Variants in GALNT11 observed in about 807,000 individuals in gnomAD.
GALNT11 encodes the protein UDP-GalNAc:polypeptide N-acetylgalactosaminyltransferase 11.
Under a neutral mutation model 72.7 loss-of-function variants are expected in GALNT11, and 47 were observed. The ratio of observed to expected loss-of-function variants is 0.65; its 90% confidence interval spans 0.51 to 0.82. GALNT11 has a LOEUF of 0.82. Ranked by LOEUF, GALNT11 falls within the 40% of genes least tolerant of loss-of-function variation. The pLI is 0.00. For synonymous variants in GALNT11, 270 were observed against 286.6 expected, an observed-to-expected ratio of 0.94 and a Z score of 0.58; for missense variants, 677 against 778.4, an observed-to-expected ratio of 0.87 and a Z score of 1.55.
chr7:152,120,339 G>A (rs769233062), intron 10 of GALNT11: 17 of 162,106 alleles, frequency 1.0e-4, no homozygotes, highest in Non-Finnish European at 2.3e-4. Context: ...TAGTGATGGC[G>A]CATGTTGGAG....
At chr7:152,058,820 C>T (rs773011079) in intron 1 of GALNT11, among the ~76,000 whole-genome samples, 2 of 152,182 alleles carry the variant, frequency 1.3e-5, no homozygotes, top group Non-Finnish European at 2.9e-5. Context: ...TTTTTGTTAT[C>T]GTTTCAACAG....
intron 1 of GALNT11, among the ~76,000 whole-genome samples, chr7:152,050,539 G>T (rs532537706): frequency 6.6e-6 from 1 of 152,300 alleles, no homozygotes; most frequent in African/African-American, 2.4e-5. Context: ...CTTTCCTCAA[G>T]TGGAAGGAAA....
rs918652794 is a variant in GALNT11, at chr7:152,113,501, G to C, written c.1233+103G>C. ...CTTTTCACTCTGGCATATTTCTCTTGGTTAACCTTCACCTTAGGGCCAACT... is the reference window on the plus strand; with the variant it reads ...CTTTTCACTCTGGCATATTTCTCTTCGTTAACCTTCACCTTAGGGCCAACT... On this transcript the variant is annotated intron_variant, in intron 8 of 11. Coordinates refer to ENST00000430044, the MANE Select transcript of GALNT11 (RefSeq NM_022087.4). 94 of 1,367,354 alleles carry C rather than the reference G, an allele frequency of 6.9e-5. No individual in the cohort carries two copies. In the Middle Eastern group the frequency reaches 8.9e-4, roughly 13 times the overall value. 84.7% of individuals were successfully genotyped at this position (1,367,354 alleles called of 1,614,324 possible). A position where few individuals can be genotyped will look rare whatever the true frequency, so the allele number is the denominator to read the frequency against.
intron 7 of GALNT11, among the ~76,000 whole-genome samples, chr7:152,111,779 A>C (rs959221212): frequency 1.3e-5 from 2 of 152,158 alleles, no homozygotes; most frequent in Non-Finnish European, 2.9e-5. Context: ...ATATAGTCAT[A>C]TAGTCAGGGT....
At chr7:152,114,616 A>C (rs1209332988) in intron 8 of GALNT11, among the ~76,000 whole-genome samples, 1 of 151,612 alleles carries the variant, frequency 6.6e-6, no homozygotes, top group African/African-American at 2.4e-5. Flanking sequence ...GCTGAAGTGC[A>C]ACGGCGCAAT....
In GALNT11 at chr7:152,113,352, C is replaced by G. The variant is rs777480020; in HGVS notation, c.1187C>G (p.Thr396Arg). 1.5e-5 allele frequency: 25 copies of G among 1,613,960 alleles called. No homozygotes were observed. The highest frequency in any genetic ancestry group is 2.0e-5 in the Non-Finnish European group (24 of 1,180,010). ...TCTCCCGAAGGCCAGGACACCATGACACACAACTCTTTGCGGCTGGCACAT... is the reference window on the plus strand; with the variant it reads ...TCTCCCGAAGGCCAGGACACCATGAGACACAACTCTTTGCGGCTGGCACAT... ...YGSPEGQDTMTHNSLRLAHVW... is the reference protein window; with the variant it reads ...YGSPEGQDTMRHNSLRLAHVW... The change falls in exon 8 of 12, where the codon ACA becomes AGA. Residue 396 changes from threonine to arginine, a missense_variant. Transcript: ENST00000430044.
chr7:152,102,270 A>G (rs1191615295), intron 3 of GALNT11, among the ~76,000 whole-genome samples: 1 of 152,138 alleles, frequency 6.6e-6, no homozygotes, highest in Non-Finnish European at 1.5e-5. Context: ...TCGGCTGGAC[A>G]TGGTGGCTCA....
chr7:152,095,393 A>G (rs528277497), intron 2 of GALNT11, among the ~76,000 whole-genome samples: 4 of 152,174 alleles, frequency 2.6e-5, no homozygotes, highest in Non-Finnish European at 5.9e-5. Context: ...AGTAAAATAC[A>G]AGAGATTTTT....
chr7:152,059,653 G>A (rs1456952178), intron 1 of GALNT11, among the ~76,000 whole-genome samples: 1 of 152,182 alleles, frequency 6.6e-6, no homozygotes, highest in Non-Finnish European at 1.5e-5. Context: ...GGGTGACTAG[G>A]TATGTTGTCA....
chr7:152,072,745 A>G (rs1243818298), intron 1 of GALNT11, among the ~76,000 whole-genome samples: 1 of 152,172 alleles, frequency 6.6e-6, no homozygotes, highest in Non-Finnish European at 1.5e-5. Context: ...ATCGGGTTTT[A>G]GTTTAGATTG....
At chr7:152,027,952 G>A (rs1269720883) in intron 1 of GALNT11, among the ~76,000 whole-genome samples, 4 of 151,900 alleles carry the variant, frequency 2.6e-5, no homozygotes, top group African/African-American at 4.8e-5. Context: ...GCAGACCTTC[G>A]CAGTGAGTGT....
intron 1 of GALNT11, among the ~76,000 whole-genome samples, chr7:152,084,135 G>GT (rs1405922493): frequency 2.0e-5 from 3 of 151,832 alleles, no homozygotes; most frequent in African/African-American, 4.8e-5. Context: ...TTTTGTTGTT[G>GT]TTTTTTATTT....
At chr7:152,113,078 G>A (rs2088420413) in intron 7 of GALNT11, among the ~76,000 whole-genome samples, 168 bp from the exon 8 acceptor site, 1 of 152,290 alleles carries the variant, frequency 6.6e-6, no homozygotes, top group South Asian at 2.1e-4. Context: ...TTCTAACAAT[G>A]TGTACCTTCT....
rs574323469 is a variant in GALNT11, at chr7:152,109,528, C to T, written c.963-1000C>T. ...GTAACTAATTTGCTGCCGAATTCTG[C>T]CTTGTCTTTTTTGTTGAATATACTG... On this transcript the variant is annotated intron_variant, in intron 6 of 11. Coordinates refer to ENST00000430044, the MANE Select transcript of GALNT11 (RefSeq NM_022087.4). Among the ~76,000 whole-genome samples, 9 of 152,176 alleles carry T rather than the reference C, an allele frequency of 5.9e-5. No individual in the cohort carries two copies. The South Asian group carries it at 1.9e-3, about 32-fold the overall frequency.
At chr7:152,095,183 T>TAAAA (rs2086293069) in intron 2 of GALNT11, among the ~76,000 whole-genome samples, 1 of 152,058 alleles carries the variant, frequency 6.6e-6, no homozygotes, top group African/African-American at 2.4e-5. Context: ...AGTTATAAAA[T>TAAAA]AGCCCTTTTT....
Position 152,117,319 on chromosome 7 carries a change from C to T in GALNT11, c.1396C>T (p.Gln466Ter). Residue 466 changes from glutamine to a stop codon, truncating the protein, a stop_gained, in exon 9 of 12, where the codon CAA becomes TAA. Coordinates refer to ENST00000430044, the MANE Select transcript of GALNT11 (RefSeq NM_022087.4). LOFTEE classifies it high-confidence loss of function. ...QISGSHAKPQ[Q>*]PIFVNRGPKR... ...ATCTGGGTCCCACGCCAAACCCCAA[C>T]AACCCATTTTTGTCAATAGAGGGCC... 6.2e-7 allele frequency: 1 copy of T among 1,614,176 alleles called. No individual in the cohort carries two copies. The highest frequency in any genetic ancestry group is 8.5e-7 in the Non-Finnish European group (1 of 1,180,016).
At chr7:152,047,167 A>C (rs1372870493) in intron 1 of GALNT11, among the ~76,000 whole-genome samples, 1 of 152,150 alleles carries the variant, frequency 6.6e-6, no homozygotes, top group African/African-American at 2.4e-5. Flanking sequence ...GCTTGAACTC[A>C]GAAGTTCAAG....
chr7:152,113,337 G>A lies in GALNT11; in HGVS notation c.1172G>A (p.Gly391Asp). ...RKRRPYGSPE[G>D]QDTMTHNSLR... Reference sequence around the variant, plus strand: ...AGGCGACCATATGGATCTCCCGAAGGCCAGGACACCATGACACACAACTCT... The same window carrying A: ...AGGCGACCATATGGATCTCCCGAAGACCAGGACACCATGACACACAACTCT... The change falls in exon 8 of 12, where the codon GGC becomes GAC. Residue 391 changes from glycine (G) to aspartate (D), a missense_variant. Transcript: ENST00000430044. 1 of 1,614,074 alleles carries A rather than the reference G, an allele frequency of 6.2e-7. No homozygotes were observed. The highest frequency in any genetic ancestry group is 8.5e-7 in the Non-Finnish European group (1 of 1,180,028).
chr7:152,118,332 G>A (rs1032050246), intron 9 of GALNT11: 6 of 253,098 alleles, frequency 2.4e-5, no homozygotes, highest in Non-Finnish European at 3.0e-5. Flanking sequence ...TATACATGTT[G>A]TTCTTATATC....
Sources: gnomAD v4.1 joint callset for allele counts (sites outside exome capture counted in the v4.1 genomes callset) on GRCh38, gnomAD v4.1.1 for gene constraint, MANE v1.5 for transcripts, NCBI Gene and HGNC (gene_info 2026-07-23, HGNC 2026-07-21) for gene names.